The following S100A5 variants were observed in gnomAD, a reference collection of about 807,000 sequenced individuals.
S100A5 encodes the protein protein S100-A5.
In S100A5, 5 loss-of-function variants were observed where a neutral mutation model predicts 6.7. That is an observed-to-expected ratio of 0.75 (90% confidence interval 0.39 to 1.57). The LOEUF (loss-of-function observed/expected upper bound fraction) is 1.57, where lower values mean the gene tolerates loss of function less well. Ranked by LOEUF, S100A5 falls within the 40% of genes most tolerant of loss-of-function variation. S100A5 has a pLI of 0.03. For missense variants in S100A5, 129 were observed against 110.8 expected (o/e 1.16, Z -0.74); for synonymous variants, 49 against 44.9 (o/e 1.09, Z -0.37).
chr1:153,539,469 ATATATATTTATT>A lies in S100A5; in HGVS notation c.138+573_138+584del, dbSNP rs1466757531. On this transcript the variant is annotated intron_variant, in intron 2 of 2. Transcript: ENST00000368717. The stretch of plus-strand genomic sequence containing the variant: ...AAAAAAAATATATATATATATATAT[ATATATATTTATT>A]TATTTATTTATCCTCGGGGATATTG... Among the ~76,000 whole-genome samples, 473 of 122,784 alleles carry A rather than the reference ATATATATTTATT, an allele frequency of 3.9e-3. 10 individuals carry two copies. The highest frequency in any genetic ancestry group is 0.017 in the African/African-American group (457 of 26,576). 80.6% of individuals were successfully genotyped at this position (122,784 alleles called of 152,430 possible).
chr1:153,543,639 T>C (rs1665455603), upstream of S100A5: 1 of 1,001,080 alleles, frequency 1.0e-6, no homozygotes, highest in Non-Finnish European at 1.5e-6. Context: ...CAAGAATCTT[T>C]ATTGAACTTG....
chr1:153,539,450 A>AAATATAT (rs1553214691), intron 2 of S100A5, among the ~76,000 whole-genome samples: 1 of 31,196 alleles, frequency 3.2e-5, no homozygotes, highest in Non-Finnish European at 6.0e-5. Flanking sequence ...AAAAAAAAAA[A>AAATATAT]ATATATATAT....
chr1:153,541,552 G>A (rs1315876160), upstream of S100A5: 4 of 1,273,930 alleles, frequency 3.1e-6, no homozygotes, highest in Admixed American at 7.6e-5. Context: ...TCCCGGGATG[G>A]AGCTGGGGAG....
upstream of S100A5, chr1:153,541,361 G>C: frequency 7.3e-7 from 1 of 1,364,414 alleles, no homozygotes; most frequent in Non-Finnish European, 9.8e-7. Flanking sequence ...CAGATGAACA[G>C]AGACATAGGA....
chr1:153,537,469 AC>A, intron 2 of S100A5, 33 bp from the exon 3 acceptor site: 1 of 1,610,500 alleles, frequency 6.2e-7, no homozygotes, highest in Non-Finnish European at 8.5e-7. Flanking sequence ...GACAGCTCAG[AC>A]CCCGCTCCCA....
At chr1:153,543,613 T>A, upstream of S100A5, 1 of 831,122 alleles carries the variant, frequency 1.2e-6, no homozygotes, top group African/African-American at 1.7e-5. Flanking sequence ...TCTCAAACCA[T>A]CAGCCTCAAA....
At chr1:153,539,993 A>G (rs1665331811) in intron 2 of S100A5, 61 bp downstream of exon 2, 5 of 1,587,526 alleles carry the variant, frequency 3.1e-6, no homozygotes, top group African/African-American at 2.7e-5. Flanking sequence ...GAGGGTAGGT[A>G]TGTGTCCCCC....
rs750529850 is a variant in S100A5, at chr1:153,537,248, C to T, written c.*48G>A. Reference sequence around the variant, plus strand: ...AAAGAGGGTCTGTGAGAGGAGCAGCCGAGGTCAGCAGCAAAGGGTGGAGGG... The same window carrying T: ...AAAGAGGGTCTGTGAGAGGAGCAGCTGAGGTCAGCAGCAAAGGGTGGAGGG... On this transcript the variant is annotated 3_prime_UTR_variant, in exon 3 of 3. Coordinates refer to ENST00000368717, the MANE Select transcript of S100A5 (RefSeq NM_001394232.1). 28 of 1,591,468 alleles carry T rather than the reference C, an allele frequency of 1.8e-5. No individual in the cohort carries two copies. The highest frequency in any genetic ancestry group is 2.1e-5 in the Non-Finnish European group (25 of 1,163,068).
At chr1:153,539,580 G>T (rs1265867267) in intron 2 of S100A5, among the ~76,000 whole-genome samples, 1 of 150,134 alleles carries the variant, frequency 6.7e-6, no homozygotes, top group Non-Finnish European at 1.5e-5. Flanking sequence ...GTGAGAACCA[G>T]TTCTGTCTCC....
upstream of S100A5, among the ~76,000 whole-genome samples, chr1:153,542,113 T>C (rs372553731): frequency 6.6e-6 from 1 of 150,402 alleles, no homozygotes; most frequent in East Asian, 1.9e-4. Flanking sequence ...GGGAGGGGGG[T>C]TCAGGTTCAG....
chr1:153,542,284 A>C (rs971187904), upstream of S100A5, among the ~76,000 whole-genome samples: 4 of 152,124 alleles, frequency 2.6e-5, no homozygotes, highest in African/African-American at 9.7e-5. Flanking sequence ...GTCCCACCCC[A>C]GCCTGGGGGG....
At chr1:153,539,206 T>A (rs1415664362) in intron 2 of S100A5, among the ~76,000 whole-genome samples, 1 of 151,516 alleles carries the variant, frequency 6.6e-6, no homozygotes, top group Admixed American at 6.6e-5. Context: ...GGCAGATGGA[T>A]CACGAGGTCA....
intron 1 of S100A5, 129 bp from the exon 2 acceptor site, chr1:153,540,334 G>C: frequency 2.3e-6 from 2 of 883,806 alleles, no homozygotes; most frequent in Non-Finnish European, 1.7e-6. Flanking sequence ...CCACTAACAA[G>C]AGCGCCCATC....
At chr1:153,538,058 A>T (rs1015216039) in intron 2 of S100A5, among the ~76,000 whole-genome samples, 3 of 152,108 alleles carry the variant, frequency 2.0e-5, no homozygotes, top group African/African-American at 7.2e-5. Flanking sequence ...AAAAAAAAAA[A>T]AGAACACCTT....
upstream of S100A5, among the ~76,000 whole-genome samples, chr1:153,541,143 C>T (rs1665371424): frequency 6.6e-6 from 1 of 152,210 alleles, no homozygotes; most frequent in Non-Finnish European, 1.5e-5. Flanking sequence ...TCAGCTGGGA[C>T]CACAGTTGAA....
intron 2 of S100A5, among the ~76,000 whole-genome samples, chr1:153,539,453 A>ATG: frequency 1.1e-5 from 1 of 91,618 alleles, no homozygotes; most frequent in Non-Finnish European, 1.9e-5. Flanking sequence ...AAAAAAAAAT[A>ATG]TATATATATA....
chr1:153,541,562 G>C, upstream of S100A5: 1 of 1,255,796 alleles, frequency 8.0e-7, no homozygotes, highest in Non-Finnish European at 1.0e-6. Flanking sequence ...GAGCTGGGGA[G>C]AAACCCCTTC....
In S100A5 at chr1:153,539,477, T is replaced by TA. The variant is rs35924194; in HGVS notation, c.138+576_138+577insT. Among the ~76,000 whole-genome samples, 144 of 72,922 alleles carry TA rather than the reference T, an allele frequency of 2.0e-3. 1 individual carries two copies. Among genetic ancestry groups the TA allele is most frequent in the Middle Eastern group, 8.5e-3 (1 of 118 alleles). The allele number at this position is 72,922 out of a possible 152,430, so 47.8% of individuals were successfully genotyped here. A position where few individuals can be genotyped will look rare whatever the true frequency, so the allele number is the denominator to read the frequency against. ...TATATATATATATATATATATATATTTATTTATTTATTTATCCTCGGGGAT... is the reference window on the plus strand; with the variant it reads ...TATATATATATATATATATATATATTATATTTATTTATTTATCCTCGGGGAT... On this transcript the variant is annotated intron_variant, in intron 2 of 2. Transcript: ENST00000368717.
intron 2 of S100A5, among the ~76,000 whole-genome samples, chr1:153,539,007 G>A (rs1210707514): frequency 1.3e-5 from 2 of 152,072 alleles, no homozygotes; most frequent in Non-Finnish European, 2.9e-5. Flanking sequence ...GTATTTGCTT[G>A]TAGTCCTAGC....
Sources: gnomAD v4.1 joint callset for allele counts (sites outside exome capture counted in the v4.1 genomes callset) on GRCh38, gnomAD v4.1.1 for gene constraint, MANE v1.5 for transcripts, NCBI Gene and HGNC (gene_info 2026-07-23, HGNC 2026-07-21) for gene names.